Variants in CHCHD6 observed in about 807,000 individuals in gnomAD.
CHCHD6 encodes the protein coiled-coil-helix-coiled-coil-helix domain containing 6.
CHCHD6 carries 28 observed loss-of-function variants against 32.3 expected under a neutral mutation model. The ratio of observed to expected loss-of-function variants is 0.87; its 90% CI spans 0.64 to 1.19. The LOEUF is 1.19. Among genes scored for constraint, CHCHD6 ranks in the 50% most tolerant of loss-of-function variants. CHCHD6 has a pLI of 0.00. For missense variants in CHCHD6, 333 were observed against 307.0 expected (o/e 1.08, Z -0.63); for synonymous variants, 122 against 117.5 (o/e 1.04, Z -0.25).
intron 4 of CHCHD6, among the ~76,000 whole-genome samples, chr3:126,817,660 GAA>G (rs1427239790): frequency 6.6e-6 from 1 of 152,162 alleles, no homozygotes; most frequent in African/African-American, 2.4e-5. Flanking sequence ...TCCCTCTGCT[GAA>G]CCTGATGCAG....
chr3:126,711,643 A>G (rs781382915), intron 1 of CHCHD6, among the ~76,000 whole-genome samples: 11 of 152,180 alleles, frequency 7.2e-5, no homozygotes, highest in Non-Finnish European at 1.3e-4. Flanking sequence ...CTTATGTGCA[A>G]GATAGAGATA....
At chr3:126,818,854 G>T (rs1407238348) in intron 4 of CHCHD6, among the ~76,000 whole-genome samples, 1 of 152,230 alleles carries the variant, frequency 6.6e-6, no homozygotes, top group African/African-American at 2.4e-5. Context: ...GGCCTGATGT[G>T]AGCAGCTGAC....
chr3:126,935,628 A>G (rs560024405), intron 6 of CHCHD6, among the ~76,000 whole-genome samples: 1 of 152,356 alleles, frequency 6.6e-6, no homozygotes, highest in East Asian at 1.9e-4. Flanking sequence ...ATGCCTATTT[A>G]AGCAAAGGCC....
At chr3:126,753,195 G>T (rs1936802835) in intron 4 of CHCHD6, among the ~76,000 whole-genome samples, 1 of 152,108 alleles carries the variant, frequency 6.6e-6, no homozygotes, top group Non-Finnish European at 1.5e-5. Context: ...ATTTTTTCAG[G>T]GCCCAGGGAA....
chr3:126,887,068 C>T (rs565997806), intron 5 of CHCHD6, among the ~76,000 whole-genome samples: 1 of 152,320 alleles, frequency 6.6e-6, no homozygotes, highest in African/African-American at 2.4e-5. Context: ...TGTAGTCTTT[C>T]AGATTTTTGT....
At chr3:126,736,788 C>T (rs1214577914) in intron 4 of CHCHD6, among the ~76,000 whole-genome samples, 2 of 152,102 alleles carry the variant, frequency 1.3e-5, no homozygotes, top group East Asian at 3.9e-4. Context: ...AGAGGTGTTT[C>T]TCCCTCTGAG....
intron 5 of CHCHD6, among the ~76,000 whole-genome samples, chr3:126,892,362 A>G (rs901686514): frequency 6.6e-6 from 1 of 152,176 alleles, no homozygotes; most frequent in Non-Finnish European, 1.5e-5. Flanking sequence ...ATCCATACAC[A>G]TCATCCAGCC....
At chr3:126,761,589 C>A (rs879656652) in intron 4 of CHCHD6, among the ~76,000 whole-genome samples, 1 of 152,130 alleles carries the variant, frequency 6.6e-6, no homozygotes, top group Admixed American at 6.5e-5. Flanking sequence ...CCATGCCTGG[C>A]TAATTTTTTT....
chr3:126,756,659 C>G (rs1378072618), intron 4 of CHCHD6, among the ~76,000 whole-genome samples: 2 of 152,344 alleles, frequency 1.3e-5, no homozygotes, highest in East Asian at 3.9e-4. Flanking sequence ...ATCAAGCAGC[C>G]TCACAGGGCA....
chr3:126,751,503 CA>C (rs774893414), intron 4 of CHCHD6, among the ~76,000 whole-genome samples: 22,350 of 71,808 alleles, frequency 0.31, 2,055 homozygotes, highest in African/African-American at 0.48. Context: ...GACCCTGTCT[CA>C]AAAAAAAAAA....
At chr3:126,726,939 T>A (rs1214531286) in intron 1 of CHCHD6, 139 bp from the exon 2 acceptor site, 1 of 641,386 alleles carries the variant, frequency 1.6e-6, no homozygotes, top group East Asian at 2.7e-5. Flanking sequence ...GAGAGGAGTT[T>A]TAGTAGAATT....
intron 6 of CHCHD6, among the ~76,000 whole-genome samples, chr3:126,927,897 T>TCCA (rs2078347676): frequency 6.6e-6 from 1 of 152,214 alleles, no homozygotes; most frequent in Admixed American, 6.5e-5. Context: ...TTATGTCTAG[T>TCCA]TATTTGCGCC....
At chr3:126,922,529 G>A (rs1030306940) in intron 6 of CHCHD6, among the ~76,000 whole-genome samples, 7 of 152,194 alleles carry the variant, frequency 4.6e-5, no homozygotes, top group Admixed American at 3.9e-4. Context: ...CTCTCAGAAT[G>A]TACAGGATGG....
intron 5 of CHCHD6, among the ~76,000 whole-genome samples, chr3:126,872,834 C>G (rs2077493757): frequency 6.6e-6 from 1 of 152,242 alleles, no homozygotes; most frequent in Non-Finnish European, 1.5e-5. Context: ...CTTCCCTGGG[C>G]TGTGGTCTGC....
chr3:126,743,598 C>G (rs1451302904), intron 4 of CHCHD6, among the ~76,000 whole-genome samples: 1 of 152,138 alleles, frequency 6.6e-6, no homozygotes, highest in African/African-American at 2.4e-5. Context: ...AGAAACTGTG[C>G]AGAAGTGCTT....
intron 4 of CHCHD6, among the ~76,000 whole-genome samples, chr3:126,748,381 G>A (rs890338516): frequency 3.3e-5 from 5 of 152,154 alleles, no homozygotes; most frequent in African/African-American, 1.2e-4. Flanking sequence ...GATCACCTGA[G>A]GTCAGGAATT....
intron 6 of CHCHD6, among the ~76,000 whole-genome samples, chr3:126,947,480 C>T (rs946912258): frequency 2.6e-5 from 4 of 152,220 alleles, no homozygotes; most frequent in Non-Finnish European, 5.9e-5. Flanking sequence ...CAGAGTGGAG[C>T]TCATGTGGCG....
intron 5 of CHCHD6, among the ~76,000 whole-genome samples, chr3:126,878,649 C>T (rs561404720): frequency 2.6e-5 from 4 of 152,292 alleles, no homozygotes; most frequent in South Asian, 4.2e-4. Flanking sequence ...AAGGATATAC[C>T]GTCACTTTTG....
chr3:126,781,998 C>G (rs755588546), intron 4 of CHCHD6, among the ~76,000 whole-genome samples: 5 of 152,120 alleles, frequency 3.3e-5, no homozygotes, highest in Non-Finnish European at 7.4e-5. Flanking sequence ...AGATCTGCGG[C>G]TGAGCCCAGT....
Sources: allele counts gnomAD v4.1 joint callset (sites outside exome capture counted in the v4.1 genomes callset), GRCh38; gene constraint gnomAD v4.1.1; transcripts MANE v1.5; gene names NCBI Gene and HGNC (gene_info 2026-07-23, HGNC 2026-07-21).